SLC4A1AP: variants seen among roughly 807,000 people sequenced by gnomAD.
SLC4A1AP encodes solute carrier family 4 member 1 adaptor protein.
Under a neutral mutation model 89.7 loss-of-function variants are expected in SLC4A1AP, and 64 were observed. The observed-to-expected ratio is 0.71, with a 90% CI of 0.58 to 0.88. The LOEUF (loss-of-function observed/expected upper bound fraction) is 0.88. Among genes scored for constraint, SLC4A1AP ranks in the 40% least tolerant of loss-of-function variants. The probability of loss-of-function intolerance (pLI) is 0.00; values close to 1 mark genes in which losing one functional copy is unlikely to be tolerated. For missense variants in SLC4A1AP, 931 were observed against 965.0 expected (o/e 0.96, Z 0.47); for synonymous variants, 366 against 353.3 (o/e 1.04, Z -0.40).
At chr2:27,680,054 G>A (rs1336473040) in intron 8 of SLC4A1AP, among the ~76,000 whole-genome samples, 2 of 152,160 alleles carry the variant, frequency 1.3e-5, no homozygotes, top group Non-Finnish European at 2.9e-5. Context: ...TAGGCTGCCG[G>A]TGACTGGGGG....
At chr2:27,665,995 A>G (rs1488975756) in intron 2 of SLC4A1AP, among the ~76,000 whole-genome samples, 4 of 152,248 alleles carry the variant, frequency 2.6e-5, no homozygotes, top group African/African-American at 9.6e-5. Context: ...TATGGTAGCC[A>G]CTAGCCACAT....
chr2:27,666,105 T>G lies in SLC4A1AP; in HGVS notation c.1021+810T>G, dbSNP rs72852192. 9.6e-3 allele frequency among the ~76,000 whole-genome samples: 1,466 copies of G among 152,302 alleles called. 31 individuals are homozygous for G. The highest frequency in any genetic ancestry group is 0.033 in the African/African-American group (1,386 of 41,558). On this transcript the variant is annotated intron_variant, in intron 2 of 13. Coordinates refer to ENST00000613058, the Ensembl canonical transcript of SLC4A1AP. ...CAAAGACTTAGTCTGAAAAAAAGAA[T>G]GTAAAATATCTCTTTCATGATATTT...
At chr2:27,694,792 C>G in exon 14 of SLC4A1AP, 1 of 828,484 alleles carries the variant, frequency 1.2e-6, no homozygotes, top group Non-Finnish European at 1.9e-6. Context: ...TTTGTAAGAT[C>G]TGGTGACTGG....
chr2:27,670,629 G>A (rs1281031422), intron 5 of SLC4A1AP, among the ~76,000 whole-genome samples: 1 of 151,690 alleles, frequency 6.6e-6, no homozygotes. Context: ...GGCCAAGGCA[G>A]GCGGATCACG....
At chr2:27,670,484 T>C (rs530512956) in intron 5 of SLC4A1AP, among the ~76,000 whole-genome samples, 1 of 152,264 alleles carries the variant, frequency 6.6e-6, no homozygotes, top group South Asian at 2.1e-4. Context: ...ATATACTTGT[T>C]CCTTGCCCTA....
chr2:27,683,839 G>A (rs1454336178), intron 9 of SLC4A1AP, among the ~76,000 whole-genome samples: 1 of 152,040 alleles, frequency 6.6e-6, no homozygotes, highest in Non-Finnish European at 1.5e-5. Context: ...GGGTTCAAGC[G>A]ATTCTCCTGC....
At chr2:27,676,117 G>A (rs1398036354) in intron 6 of SLC4A1AP, among the ~76,000 whole-genome samples, 1 of 152,200 alleles carries the variant, frequency 6.6e-6, no homozygotes, top group Non-Finnish European at 1.5e-5. Context: ...ATCACAAGGT[G>A]ACGTGTTAAT....
At chr2:27,694,583 CTG>C (rs749454550) in intron 13 of SLC4A1AP, 49 bp from the exon 14 acceptor site, 1 of 1,372,834 alleles carries the variant, frequency 7.3e-7, no homozygotes, top group Non-Finnish European at 1.0e-6. Flanking sequence ...CTTTTCTCTC[CTG>C]ACTTTGGAAG....
chr2:27,686,982 A>G (rs1239506682), intron 10 of SLC4A1AP, among the ~76,000 whole-genome samples: 1 of 152,104 alleles, frequency 6.6e-6, no homozygotes, highest in Non-Finnish European at 1.5e-5. Context: ...TTGTAGAGAA[A>G]ATAGAGTCAT....
chr2:27,694,402 G>A (rs973667557), intron 13 of SLC4A1AP, among the ~76,000 whole-genome samples: 1 of 152,048 alleles, frequency 6.6e-6, no homozygotes, highest in African/African-American at 2.4e-5. Flanking sequence ...TAATATATTA[G>A]TAACTAATAT....
At chr2:27,680,281 A>G (rs1278030720) in intron 8 of SLC4A1AP, among the ~76,000 whole-genome samples, 2 of 152,164 alleles carry the variant, frequency 1.3e-5, no homozygotes, top group African/African-American at 2.4e-5. Context: ...GACTTTTCAC[A>G]GTATATGTGC....
intron 5 of SLC4A1AP, among the ~76,000 whole-genome samples, chr2:27,673,617 C>G (rs1380916487): frequency 6.6e-6 from 1 of 152,004 alleles, no homozygotes; most frequent in Non-Finnish European, 1.5e-5. Context: ...GTGCACACCA[C>G]CATGCCCAGC....
rs796921398 is a variant in SLC4A1AP, at chr2:27,670,644, C to T, written c.1345+1257C>T. 1.3e-4 allele frequency among the ~76,000 whole-genome samples: 19 copies of T among 151,462 alleles called. No individual in the cohort carries two copies. The South Asian group carries it at 4.0e-3, about 32-fold the overall frequency. Reference sequence around the variant, plus strand: ...GGCCAAGGCAGGCGGATCACGAGGTCAGGAGATCGAGACCATCCTGGCTAA... The same window carrying T: ...GGCCAAGGCAGGCGGATCACGAGGTTAGGAGATCGAGACCATCCTGGCTAA... On this transcript the variant is annotated intron_variant, in intron 5 of 13. Coordinates refer to ENST00000613058, the Ensembl canonical transcript of SLC4A1AP.
At chr2:27,685,944 GAAAA>G (rs201429983) in intron 10 of SLC4A1AP, among the ~76,000 whole-genome samples, 1 of 151,662 alleles carries the variant, frequency 6.6e-6, no homozygotes, top group East Asian at 1.9e-4. Context: ...AAGTCCAAAG[GAAAA>G]AAAAGAAATC....
intron 5 of SLC4A1AP, among the ~76,000 whole-genome samples, chr2:27,669,906 C>T (rs1675394621): frequency 6.6e-6 from 1 of 152,146 alleles, no homozygotes; most frequent in African/African-American, 2.4e-5. Flanking sequence ...TCTTGTTGCC[C>T]AGGCTAGAGT....
At chr2:27,664,986 G>T (rs561775471) in intron 1 of SLC4A1AP, 114 bp from the exon 2 acceptor site, 1 of 731,694 alleles carries the variant, frequency 1.4e-6, no homozygotes, top group African/African-American at 1.8e-5. Flanking sequence ...GAGCCCAGGA[G>T]GTCAAGGCTG....
chr2:27,666,657 A>C (rs1675331821), intron 2 of SLC4A1AP, among the ~76,000 whole-genome samples: 1 of 151,968 alleles, frequency 6.6e-6, no homozygotes, highest in Non-Finnish European at 1.5e-5. Context: ...GAGGAGCTCA[A>C]ATTTTTTTTC....
intron 5 of SLC4A1AP, among the ~76,000 whole-genome samples, chr2:27,672,613 G>C (rs891615683): frequency 1.1e-4 from 17 of 151,952 alleles, no homozygotes; most frequent in African/African-American, 4.1e-4. Context: ...CATGTTAAAG[G>C]CTTTTCTTAG....
intron 5 of SLC4A1AP, 137 bp downstream of exon 5, chr2:27,669,524 C>T: frequency 1.4e-6 from 1 of 725,956 alleles, no homozygotes; most frequent in Non-Finnish European, 2.2e-6. Flanking sequence ...ATTCTCAATA[C>T]CCTAAGGTAG....
Sources: gnomAD v4.1 joint callset for allele counts (sites outside exome capture counted in the v4.1 genomes callset) on GRCh38, gnomAD v4.1.1 for gene constraint, MANE v1.5 for transcripts, NCBI Gene and HGNC (gene_info 2026-07-23, HGNC 2026-07-21) for gene names.